The following CFAP58 variants were observed in gnomAD, a reference collection of about 807,000 sequenced individuals.
CFAP58 encodes cilia and flagella associated protein 58.
In CFAP58, 88 loss-of-function variants were observed where a neutral mutation model predicts 119.5. The observed-to-expected ratio is 0.74, with a 90% CI of 0.62 to 0.88. The LOEUF is 0.88. Ranked by LOEUF, CFAP58 falls within the 40% of genes least tolerant of loss-of-function variation. The probability of loss-of-function intolerance (pLI) is 0.00; values close to 1 mark genes in which losing one functional copy is unlikely to be tolerated. For synonymous variants in CFAP58, 365 were observed against 366.3 expected, an observed-to-expected ratio of 1.00 and a Z score of 0.04; for missense variants, 990 against 1,021.2, an observed-to-expected ratio of 0.97 and a Z score of 0.42.
rs1227712982 is a variant in CFAP58, at chr10:104,433,369, A to G, written c.2257-14329A>G. On this transcript the variant is annotated intron_variant, in intron 15 of 17. Coordinates refer to ENST00000369704, the MANE Select transcript of CFAP58 (RefSeq NM_001008723.2). ...TCCCAGAGCACCGGCATTACAGGCA[A>G]GATGCAGTTAATTTGAAGAAATTAG... 2.0e-5 allele frequency among the ~76,000 whole-genome samples: 3 copies of G among 152,344 alleles called. No individual in the cohort carries two copies. In the East Asian group the frequency reaches 5.8e-4, roughly 29 times the overall value.
At chr10:104,365,123 C>A (rs757198410) in intron 4 of CFAP58, among the ~76,000 whole-genome samples, 1 of 152,178 alleles carries the variant, frequency 6.6e-6, no homozygotes, top group Admixed American at 6.6e-5. Flanking sequence ...CTGAGGCGGG[C>A]ACTCCCTACT....
At chr10:104,413,303 G>A (rs1021614250) in intron 15 of CFAP58, among the ~76,000 whole-genome samples, 3 of 152,214 alleles carry the variant, frequency 2.0e-5, no homozygotes, top group Admixed American at 6.5e-5. Context: ...CAACCTGTCA[G>A]TGTCCTTTTT....
chr10:104,399,034 T>C (rs913978414), intron 11 of CFAP58, among the ~76,000 whole-genome samples: 1 of 152,188 alleles, frequency 6.6e-6, no homozygotes, highest in African/African-American at 2.4e-5. Flanking sequence ...ATTCTCCTGG[T>C]GTTTAGCTGG....
rs1233329045 is a variant in CFAP58 at position 104,400,228 on chromosome 10, CCTT to C, written c.1816-449_1816-447del. On this transcript the variant is annotated intron_variant, in intron 12 of 17. Transcript: ENST00000369704. ...GTGGTACCATCTTGGCTCACTACAACCTTCTCCTCCCAGGCTCCAGTGATCCTC... is the reference window on the plus strand; with the variant it reads ...GTGGTACCATCTTGGCTCACTACAACCTCCTCCCAGGCTCCAGTGATCCTC... Among the ~76,000 whole-genome samples the C allele has an allele frequency of 2.6e-5, 4 of 152,248 alleles. No individual in the cohort carries two copies. In the East Asian group the frequency reaches 5.8e-4, roughly 22 times the overall value.
At chr10:104,358,064 T>C (rs111506787) in intron 1 of CFAP58, among the ~76,000 whole-genome samples, 5 of 144,696 alleles carry the variant, frequency 3.5e-5, no homozygotes, top group African/African-American at 8.1e-5. Flanking sequence ...TGTACATATA[T>C]ACACATATGT....
chr10:104,388,356 A>G lies in CFAP58; in HGVS notation c.1366-3877A>G, dbSNP rs118074203. Among the ~76,000 whole-genome samples the G allele has an allele frequency of 5.4e-3, 822 of 152,326 alleles. 1 individual carries two copies. Among genetic ancestry groups the G allele is most frequent in the Middle Eastern group, 0.017 (5 of 294 alleles). Reference sequence around the variant, plus strand: ...AGTACTTATATGCTGGCGTAGACATATATTCTCTCACTTAAATCCTCATAA... The same window carrying G: ...AGTACTTATATGCTGGCGTAGACATGTATTCTCTCACTTAAATCCTCATAA... On this transcript the variant is annotated intron_variant, in intron 9 of 17. Transcript: ENST00000369704.
In CFAP58 at chr10:104,392,384, T is replaced by C. The variant is rs769690363; in HGVS notation, c.1517T>C (p.Val506Ala). 8 of 1,584,904 alleles carry C rather than the reference T, an allele frequency of 5.0e-6. No homozygotes were observed. Among genetic ancestry groups the C allele is most frequent in the Non-Finnish European group, 6.8e-6 (8 of 1,167,918 alleles). ...AGAAATCTGTATAGCAAAAATCTGGTTGAGGCTCAGGTAAATAATATATTT... is the reference window on the plus strand; with the variant it reads ...AGAAATCTGTATAGCAAAAATCTGGCTGAGGCTCAGGTAAATAATATATTT... ...SDRNLYSKNL[V>A]EAQDEITDMK... The change falls in exon 10 of 18, where the codon GTT becomes GCT. Residue 506 changes from valine to alanine, a missense_variant. Coordinates refer to ENST00000369704, the MANE Select transcript of CFAP58 (RefSeq NM_001008723.2).
At chr10:104,393,271 T>C in intron 10 of CFAP58, 58 bp from the exon 11 acceptor site, 1 of 1,514,632 alleles carries the variant, frequency 6.6e-7, no homozygotes, top group South Asian at 1.2e-5. Flanking sequence ...ATATTGAACT[T>C]CCATAGGGAC....
chr10:104,375,219 T>C (rs1447515806), intron 7 of CFAP58, among the ~76,000 whole-genome samples: 1 of 150,500 alleles, frequency 6.6e-6, no homozygotes, highest in Admixed American at 6.6e-5. Flanking sequence ...TTGGGGTGTA[T>C]GTGTATTTAC....
At position 104,368,483 on chromosome 10, in the gene CFAP58, C is replaced by A; in HGVS notation, c.853C>A (p.Gln285Lys). Residue 285 changes from glutamine (Q) to lysine (K), a missense_variant, in exon 6 of 18, where the codon CAG (glutamine) becomes AAG (lysine). Transcript: ENST00000369704. ...ATTTCAGATGAGAAATGCTAAACTT[C>A]AGCAAGAGAATGAACAGCACAGTTT... ...EQFQMRNAKL[Q>K]QENEQHSLVC... 6.2e-7 allele frequency: 1 copy of A among 1,613,986 alleles called. No homozygotes were observed. The highest frequency in any genetic ancestry group is 2.2e-5 in the East Asian group (1 of 44,880).
chr10:104,374,453 GAA>G (rs71022730), intron 7 of CFAP58, among the ~76,000 whole-genome samples: 1,042 of 30,594 alleles, frequency 0.034, 5 homozygotes, highest in African/African-American at 0.12. Flanking sequence ...CTTGTTTCAG[GAA>G]AAAAAAAAAA....
chr10:104,422,737 G>A (rs758520067), intron 15 of CFAP58, among the ~76,000 whole-genome samples: 2 of 152,208 alleles, frequency 1.3e-5, no homozygotes, highest in African/African-American at 4.8e-5. Context: ...CAGCAAGAAA[G>A]GGCAATCCTC....
intron 15 of CFAP58, among the ~76,000 whole-genome samples, chr10:104,407,883 G>T (rs2133052019): frequency 6.6e-6 from 1 of 152,218 alleles, no homozygotes; most frequent in South Asian, 2.1e-4. Context: ...TTTTAGTAGA[G>T]ATGGGGTTTC....
chr10:104,446,609 A>G (rs942085751), intron 15 of CFAP58, among the ~76,000 whole-genome samples: 2 of 152,248 alleles, frequency 1.3e-5, no homozygotes, highest in African/African-American at 4.8e-5. Context: ...TGAATGTTTC[A>G]TTTAATGACA....
upstream of CFAP58, chr10:104,353,584 G>T (rs868287140): frequency 1.2e-4 from 48 of 403,106 alleles, no homozygotes; most frequent in Middle Eastern, 6.9e-4. Context: ...CCACACCGTG[G>T]GACTCCTCCC....
At chr10:104,364,016 C>A (rs2014706428) in intron 3 of CFAP58, among the ~76,000 whole-genome samples, 1 of 152,112 alleles carries the variant, frequency 6.6e-6, no homozygotes, top group African/African-American at 2.4e-5. Context: ...GTTTACAATT[C>A]AAATCAATGA....
At chr10:104,409,719 A>G (rs2012430112) in intron 15 of CFAP58, among the ~76,000 whole-genome samples, 1 of 152,172 alleles carries the variant, frequency 6.6e-6, no homozygotes, top group Admixed American at 6.5e-5. Context: ...GAACTCTCGT[A>G]ATAATATTTT....
chr10:104,351,797 TAA>T (rs765691482), upstream of CFAP58: 12 of 151,634 alleles, frequency 7.9e-5, no homozygotes, highest in Non-Finnish European at 1.6e-4. Flanking sequence ...AAAAACTATA[TAA>T]AAAATATAGG....
At chr10:104,421,743 C>T (rs1433666591) in intron 15 of CFAP58, among the ~76,000 whole-genome samples, 2 of 152,198 alleles carry the variant, frequency 1.3e-5, no homozygotes, top group Admixed American at 6.5e-5. Flanking sequence ...CTCTAAGCCT[C>T]AGGTTTTGAT....
Sources: gnomAD v4.1 joint callset for allele counts (sites outside exome capture counted in the v4.1 genomes callset) on GRCh38, gnomAD v4.1.1 for gene constraint, MANE v1.5 for transcripts, NCBI Gene and HGNC (gene_info 2026-07-23, HGNC 2026-07-21) for gene names.